Variants in TUSC3 observed in about 807,000 individuals in gnomAD.
TUSC3 encodes the protein tumor suppressor candidate 3.
TUSC3 carries 45 observed loss-of-function variants against 44.8 expected under a neutral mutation model. The ratio of observed to expected loss-of-function variants is 1.00; its 90% CI spans 0.79 to 1.29. The LOEUF is 1.29. TUSC3 is among the 50% of genes most tolerant of loss of function. The pLI, the probability that TUSC3 is intolerant of heterozygous loss-of-function variation, is 0.00. For missense variants in TUSC3, 519 were observed against 437.9 expected, an observed-to-expected ratio of 1.19 and a Z score of -1.65; for synonymous variants, 212 against 152.9, an observed-to-expected ratio of 1.39 and a Z score of -2.85.
chr8:15,581,626 G>C (rs560005310), intron 1 of TUSC3, among the ~76,000 whole-genome samples: 1 of 150,054 alleles, frequency 6.7e-6, no homozygotes, highest in African/African-American at 2.5e-5. Flanking sequence ...CAGTTAGGCT[G>C]CTTGGGGGTC....
the TUSC3 span, among the ~76,000 whole-genome samples, chr8:15,817,266 T>C: frequency 4.6e-5 from 7 of 152,112 alleles, no homozygotes; most frequent in Admixed American, 2.6e-4. Context: ...CTTCATGGTA[T>C]GTGGTGGCTG....
intron 1 of TUSC3, among the ~76,000 whole-genome samples, chr8:15,449,373 CA>C (rs1278037124): frequency 6.6e-6 from 1 of 152,036 alleles, no homozygotes; most frequent in Non-Finnish European, 1.5e-5. Flanking sequence ...CCTCTGATGT[CA>C]AAAGGTGAAG....
At chr8:15,689,863 T>TGTGTAA (rs1554475557) in intron 6 of TUSC3, among the ~76,000 whole-genome samples, 117 of 14,788 alleles carry the variant, frequency 7.9e-3, no homozygotes, top group African/African-American at 0.013. Context: ...TGTGTGTGTG[T>TGTGTAA]ATAAATATAT....
intron 6 of TUSC3, among the ~76,000 whole-genome samples, chr8:15,703,564 G>A (rs1809492920): frequency 6.6e-6 from 1 of 152,080 alleles, no homozygotes; most frequent in African/African-American, 2.4e-5. Context: ...TTTTATTTGG[G>A]TCACCATTCT....
At chr8:15,843,625 C>T in the TUSC3 span, among the ~76,000 whole-genome samples, 21 of 139,030 alleles carry the variant, frequency 1.5e-4, no homozygotes, top group South Asian at 1.5e-3. Context: ...TATATATACA[C>T]GCACATACAC....
chr8:15,469,192 C>A (rs80134235), intron 1 of TUSC3, among the ~76,000 whole-genome samples: 1 of 152,170 alleles, frequency 6.6e-6, no homozygotes, highest in Non-Finnish European at 1.5e-5. Context: ...AACTTCTTCT[C>A]TGTGAAAGAC....
At chr8:15,779,322 C>A in the TUSC3 span, among the ~76,000 whole-genome samples, 2 of 151,996 alleles carry the variant, frequency 1.3e-5, no homozygotes, top group African/African-American at 2.4e-5. Flanking sequence ...CCCACCTGGG[C>A]TTCCCATAGT....
At chr8:15,838,653 G>T in the TUSC3 span, among the ~76,000 whole-genome samples, 3 of 152,244 alleles carry the variant, frequency 2.0e-5, no homozygotes, top group South Asian at 6.2e-4. Flanking sequence ...GTTTGTCAAA[G>T]ATCAGATGGT....
intron 6 of TUSC3, among the ~76,000 whole-genome samples, chr8:15,724,918 A>G (rs930041315): frequency 4.6e-5 from 7 of 152,154 alleles, no homozygotes; most frequent in Non-Finnish European, 8.8e-5. Context: ...CTCTTGGTTT[A>G]TTTTGCAATC....
At chr8:15,480,482 C>T (rs1019401328) in intron 1 of TUSC3, among the ~76,000 whole-genome samples, 3 of 152,220 alleles carry the variant, frequency 2.0e-5, no homozygotes, top group African/African-American at 7.2e-5. Context: ...AGTCCTACAT[C>T]AAGTACAACT....
chr8:15,814,610 A>G, the TUSC3 span, among the ~76,000 whole-genome samples: 381 of 152,302 alleles, frequency 2.5e-3, 1 homozygote, highest in African/African-American at 8.8e-3. Flanking sequence ...AAAAATATAT[A>G]TTTATGTTCA....
intron 1 of TUSC3, among the ~76,000 whole-genome samples, chr8:15,464,382 A>G (rs1800388211): frequency 6.6e-6 from 1 of 152,218 alleles, no homozygotes; most frequent in Non-Finnish European, 1.5e-5. Flanking sequence ...ATGCAACTCC[A>G]TTCATTCATG....
intron 9 of TUSC3, among the ~76,000 whole-genome samples, chr8:15,751,613 C>A (rs944160811): frequency 3.3e-5 from 5 of 152,250 alleles, no homozygotes; most frequent in African/African-American, 1.2e-4. Flanking sequence ...TGGAGGTGTT[C>A]AAAGAGCTCA....
chr8:15,479,393 C>T (rs1800628223), intron 1 of TUSC3, among the ~76,000 whole-genome samples: 1 of 152,074 alleles, frequency 6.6e-6, no homozygotes, highest in Non-Finnish European at 1.5e-5. Context: ...CCTAGATTTT[C>T]TTCTAGGGTT....
rs1258867762 is a variant in TUSC3, at chr8:15,418,183, ATG to A, written n.91+882_91+883del. Among the ~76,000 whole-genome samples, 4 of 152,332 alleles carry A rather than the reference ATG, an allele frequency of 2.6e-5. No individual in the cohort carries two copies. In the East Asian group the frequency reaches 7.7e-4, roughly 29 times the overall value. On this transcript the variant is annotated intron_variant and non_coding_transcript_variant, in intron 1 of 5. Coordinates refer to the TUSC3 transcript ENST00000503191. ...CACCTACTATGTAATTCATCATTAA[ATG>A]TGTTTGGGGCTTTTGTGGGTTGGTC...
chr8:15,830,336 C>A, the TUSC3 span, among the ~76,000 whole-genome samples: 1 of 152,042 alleles, frequency 6.6e-6, no homozygotes, highest in Admixed American at 6.6e-5. Flanking sequence ...ACTTTTGAGG[C>A]CTTATTCATA....
chr8:15,572,574 T>C (rs940032915), intron 1 of TUSC3, among the ~76,000 whole-genome samples: 1 of 152,202 alleles, frequency 6.6e-6, no homozygotes, highest in Non-Finnish European at 1.5e-5. Context: ...TAACAACTTG[T>C]CTAACTGTTC....
At chr8:15,613,804 A>G (rs991601165) in intron 1 of TUSC3, among the ~76,000 whole-genome samples, 13 of 152,128 alleles carry the variant, frequency 8.5e-5, no homozygotes, top group African/African-American at 2.9e-4. Context: ...CCCTTTAAGC[A>G]TGGACTTTTT....
At chr8:15,436,286 G>C (rs148542099) in intron 1 of TUSC3, among the ~76,000 whole-genome samples, 50 of 152,320 alleles carry the variant, frequency 3.3e-4, no homozygotes, top group African/African-American at 1.2e-3. Flanking sequence ...AAAAGGAAAG[G>C]AAGTAGATCC....
Sources: allele counts gnomAD v4.1 joint callset (sites outside exome capture counted in the v4.1 genomes callset), GRCh38; gene constraint gnomAD v4.1.1; transcripts MANE v1.5; gene names NCBI Gene and HGNC (gene_info 2026-07-23, HGNC 2026-07-21).